GPR84: variants seen among roughly 807,000 people sequenced by gnomAD.
GPR84 encodes G protein-coupled receptor 84.
A neutral mutation model predicts 14.9 loss-of-function variants in GPR84; 8 were observed. The observed-to-expected ratio is 0.54, with a 90% CI of 0.31 to 0.97. The LOEUF (loss-of-function observed/expected upper bound fraction) is 0.97, where lower values mean the gene tolerates loss of function less well. GPR84 is among the 50% of genes least tolerant of loss of function. The pLI, the probability that GPR84 is intolerant of heterozygous loss-of-function variation, is 0.04. For synonymous variants in GPR84, 164 were observed against 198.1 expected (o/e 0.83, Z 1.45); for missense variants, 424 against 498.7 (o/e 0.85, Z 1.43).
downstream of GPR84, chr12:54,362,311 GAT>G: frequency 5.3e-6 from 1 of 187,726 alleles, no homozygotes; most frequent in Non-Finnish European, 1.1e-5. The surrounding 1 kb of genome is among the most constrained non-coding windows in gnomAD (Gnocchi z 4.0). Context: ...GTGCTTTAGG[GAT>G]ATGTGTGAGC....
At chr12:54,355,327 AGTGTGTGTGT>A in the GPR84 span, among the ~76,000 whole-genome samples, 10 of 146,940 alleles carry the variant, frequency 6.8e-5, no homozygotes, top group African/African-American at 2.0e-4. Flanking sequence ...TGTGTGTGTG[AGTGTGTGTGT>A]GTGTGTGTGT....
the GPR84 span, among the ~76,000 whole-genome samples, chr12:54,355,497 T>C: frequency 6.6e-6 from 1 of 152,136 alleles, no homozygotes; most frequent in Non-Finnish European, 1.5e-5. Flanking sequence ...CAAGGGACCA[T>C]TCCAAAGGTA....
At chr12:54,356,414 G>C in the GPR84 span, among the ~76,000 whole-genome samples, 1 of 152,166 alleles carries the variant, frequency 6.6e-6, no homozygotes, top group Non-Finnish European at 1.5e-5. Flanking sequence ...CAGACAGGGT[G>C]TGTGCTTGAG....
downstream of GPR84, among the ~76,000 whole-genome samples, chr12:54,358,414 C>CCA (rs1954231500): frequency 6.6e-6 from 1 of 152,042 alleles, no homozygotes; most frequent in Non-Finnish European, 1.5e-5. Context: ...CCCCTAAAAA[C>CCA]AAACAAAAAA....
the GPR84 span, among the ~76,000 whole-genome samples, chr12:54,354,526 G>A: frequency 0.032 from 4,915 of 152,036 alleles, 311 homozygotes; most frequent in East Asian, 0.14. Flanking sequence ...TCCGCCTCCC[G>A]GGTTCAAGCG....
At chr12:54,352,516 G>A in the GPR84 span, among the ~76,000 whole-genome samples, 1 of 152,132 alleles carries the variant, frequency 6.6e-6, no homozygotes, top group Non-Finnish European at 1.5e-5. Flanking sequence ...GATTTTTAAG[G>A]AGGGGGGAGT....
chr12:54,361,652 T>G (rs1410209741), downstream of GPR84, among the ~76,000 whole-genome samples: 1 of 152,200 alleles, frequency 6.6e-6, no homozygotes, highest in Non-Finnish European at 1.5e-5. This position sits in a 1 kb window ranked among gnomAD's most constrained non-coding sequence, Gnocchi z 4.3. Context: ...ATTACAGGCA[T>G]GAGCCACCGT....
the GPR84 span, chr12:54,351,617 A>G: frequency 6.6e-6 from 1 of 152,178 alleles, no homozygotes; most frequent in Middle Eastern, 3.2e-3. Flanking sequence ...TCTTGGGTCT[A>G]ATCTTTCCCC....
At chr12:54,362,131 G>A (rs1648773290), downstream of GPR84, among the ~76,000 whole-genome samples, 1 of 152,180 alleles carries the variant, frequency 6.6e-6, no homozygotes, top group African/African-American at 2.4e-5. This position sits in a 1 kb window ranked among gnomAD's most constrained non-coding sequence, Gnocchi z 4.0. Flanking sequence ...GCCATTTCTG[G>A]GAAATTAAAC....
chr12:54,359,930 G>GA (rs1370658923), downstream of GPR84, among the ~76,000 whole-genome samples: 13 of 144,902 alleles, frequency 9.0e-5, no homozygotes, highest in African/African-American at 3.4e-4. Context: ...TGTCTCCTGA[G>GA]TTTTTTTTTT....
the GPR84 span, among the ~76,000 whole-genome samples, chr12:54,352,842 C>T: frequency 1.3e-5 from 2 of 152,358 alleles, no homozygotes; most frequent in South Asian, 4.1e-4. Flanking sequence ...CGTCTGCCAA[C>T]AGTCCTGCAT....
chr12:54,351,471 C>T, the GPR84 span: 1 of 152,274 alleles, frequency 6.6e-6, no homozygotes, highest in Non-Finnish European at 1.5e-5. Context: ...GCAACCTACC[C>T]TCTCTCTGCC....
chr12:54,363,933 T>G, intron 1 of GPR84, 74 bp from the exon 2 acceptor site: 3 of 984,206 alleles, frequency 3.0e-6, no homozygotes, highest in Middle Eastern at 2.2e-4. Context: ...TGAACAGTTC[T>G]GGGACCCTGG....
At position 54,363,827 on chromosome 12, in the gene GPR84, A is replaced by G. The variant is rs148501251; in HGVS notation, c.25T>C (p.Phe9Leu). MWNSSDAN[F>L]SCYHESVLGY... ...AGCACAGACTCATGGTAGCAGGAGA[A>G]GTTGGCGTCAGAGCTGTTCCACATG... Residue 9 changes from phenylalanine to leucine, a missense_variant, in exon 2 of 2, where the codon TTC (phenylalanine) becomes CTC (leucine). Transcript: ENST00000267015. 12 of 1,599,894 alleles carry G rather than the reference A, an allele frequency of 7.5e-6. No individual in the cohort carries two copies. Among genetic ancestry groups the G allele is most frequent in the South Asian group, 1.1e-5 (1 of 89,630 alleles).
chr12:54,362,927 C>T lies in GPR84; in HGVS notation c.925G>A (p.Asp309Asn). The part of the protein sequence containing the change: ...QPIKGARRAP[D>N]SSSEFGKVTR... ...ACCTTCCCAAATTCCGATGAAGAATCCGGAGCTCTTCTGGCTCCTTTAATT... is the reference window on the plus strand; with the variant it reads ...ACCTTCCCAAATTCCGATGAAGAATTCGGAGCTCTTCTGGCTCCTTTAATT... Residue 309 changes from aspartate to asparagine, a missense_variant, in exon 2 of 2, where the codon GAT (aspartate) becomes AAT (asparagine). Asp to Asn is a conservative substitution (Grantham distance 23). Coordinates refer to ENST00000267015, the MANE Select transcript of GPR84 (RefSeq NM_020370.3). The surrounding 1 kb of genome is among the most constrained non-coding windows in gnomAD (Gnocchi z 4.0). 1 of 1,614,230 alleles carries T rather than the reference C, an allele frequency of 6.2e-7. No homozygotes were observed. The highest frequency in any genetic ancestry group is 8.5e-7 in the Non-Finnish European group (1 of 1,180,032).
At chr12:54,361,637 C>G (rs1273306497), downstream of GPR84, among the ~76,000 whole-genome samples, 1 of 152,178 alleles carries the variant, frequency 6.6e-6, no homozygotes, top group Non-Finnish European at 1.5e-5. This position sits in a 1 kb window ranked among gnomAD's most constrained non-coding sequence, Gnocchi z 4.3. Flanking sequence ...TCCCACAGTG[C>G]TGGGATTACA....
the GPR84 span, among the ~76,000 whole-genome samples, chr12:54,353,469 C>T: frequency 6.9e-6 from 1 of 145,852 alleles, no homozygotes; most frequent in Admixed American, 6.9e-5. Flanking sequence ...TCTTTCCCTA[C>T]CCCACTGAGC....
the GPR84 span, among the ~76,000 whole-genome samples, chr12:54,357,253 C>A: frequency 6.6e-6 from 1 of 152,224 alleles, no homozygotes; most frequent in East Asian, 1.9e-4. Context: ...CCACTCCAGG[C>A]AGCAGTCTAG....
chr12:54,352,771 G>A, the GPR84 span, among the ~76,000 whole-genome samples: 1 of 152,062 alleles, frequency 6.6e-6, no homozygotes. Flanking sequence ...CAACAACTAT[G>A]GGGCACCTGT....
Sources: allele counts gnomAD v4.1 joint callset (sites outside exome capture counted in the v4.1 genomes callset), GRCh38; gene constraint gnomAD v4.1.1; non-coding constraint Gnocchi (gnomAD v3.1); transcripts MANE v1.5; gene names NCBI Gene and HGNC (gene_info 2026-07-23, HGNC 2026-07-21).